The following PEAK1 variants were observed in gnomAD, a reference collection of about 807,000 sequenced individuals.
PEAK1 encodes the protein pseudopodium enriched atypical kinase 1.
Under a neutral mutation model 124.7 loss-of-function variants are expected in PEAK1, and 54 were observed. The ratio of observed to expected loss-of-function variants is 0.43; its 90% CI spans 0.35 to 0.54. The LOEUF (loss-of-function observed/expected upper bound fraction) is 0.54. Among genes scored for constraint, PEAK1 ranks in the 20% least tolerant of loss-of-function variants. The pLI is 0.01. For synonymous variants in PEAK1, 719 were observed against 760.0 expected, an observed-to-expected ratio of 0.95 and a Z score of 0.89; for missense variants, 2,046 against 2,134.5, an observed-to-expected ratio of 0.96 and a Z score of 0.82.
chr15:77,260,903 G>A (rs1017727569), intron 5 of PEAK1, among the ~76,000 whole-genome samples: 1 of 152,132 alleles, frequency 6.6e-6, no homozygotes, highest in East Asian at 1.9e-4. Context: ...TCACATGGCC[G>A]GGTACTCCTC....
chr15:77,279,735 T>G (rs1283921444), intron 5 of PEAK1, among the ~76,000 whole-genome samples: 3 of 152,176 alleles, frequency 2.0e-5, no homozygotes, highest in Non-Finnish European at 2.9e-5. Context: ...AGAAGGGAGT[T>G]TGAAAGTTGT....
At chr15:77,394,598 C>T (rs1318915491) in intron 1 of PEAK1, among the ~76,000 whole-genome samples, 2 of 152,196 alleles carry the variant, frequency 1.3e-5, no homozygotes, top group Non-Finnish European at 2.9e-5. Context: ...GCAGACATGG[C>T]TGCAGTAACT....
intron 8 of PEAK1, among the ~76,000 whole-genome samples, chr15:77,142,064 G>T (rs2053831096): frequency 6.6e-6 from 1 of 151,844 alleles, no homozygotes; most frequent in African/African-American, 2.4e-5. Context: ...TCACAGAATG[G>T]GAGAAAATAT....
intron 6 of PEAK1, chr15:77,205,101 T>C (rs1377464302): frequency 1.6e-5 from 4 of 251,742 alleles, no homozygotes; most frequent in Non-Finnish European, 3.1e-5. Context: ...GTCTGATTAA[T>C]ATCTTATAAC....
chr15:77,133,298 A>G lies in PEAK1; in HGVS notation c.3784T>C (p.Cys1262Arg). 1 of 1,614,224 alleles carries G rather than the reference A, an allele frequency of 6.2e-7. No homozygotes were observed. The highest frequency in any genetic ancestry group is 8.5e-7 in the Non-Finnish European group (1 of 1,180,016). The change falls in exon 9 of 10, where the codon TGC (cysteine) becomes CGC (arginine). Residue 1262 changes from cysteine (C) to arginine (R), a missense_variant. By Grantham distance (180) the Cys-to-Arg change is radical. Coordinates refer to ENST00000682557, the MANE Select transcript of PEAK1 (RefSeq NM_001385026.1). This position sits in a 1 kb window ranked among gnomAD's most constrained non-coding sequence, Gnocchi z 4.2. ...TTCTGGATGCCTCGGCCCTGTCTGCAAGAGGGCCCACGCCGGCTGGAGAGG... is the reference window on the plus strand; with the variant it reads ...TTCTGGATGCCTCGGCCCTGTCTGCGAGAGGGCCCACGCCGGCTGGAGAGG... ...ESLSSRRGPS[C>R]RQGRGIQKPQ...
chr15:77,310,368 G>C (rs1400140124), intron 2 of PEAK1, among the ~76,000 whole-genome samples: 1 of 152,124 alleles, frequency 6.6e-6, no homozygotes, highest in Non-Finnish European at 1.5e-5. Context: ...AAATTACTTA[G>C]AACTTTTCTG....
rs1285872448 is a variant in PEAK1 at position 77,179,716 on chromosome 15, G to A, written c.2211C>T (p.Ala737=). The change falls in exon 7 of 10, where the codon GCC becomes GCT. Residue 737 remains alanine, a synonymous_variant. Coordinates refer to ENST00000682557, the MANE Select transcript of PEAK1 (RefSeq NM_001385026.1). ...CTATTTTGGCCACAGGCTCTTGAGT[G>A]GCTCTCTGGATCTTTGCTGGGGAGC... The part of the protein sequence containing the change: ...SHSSPAKIQR[A]TQEPVAKIEG... 1 of 1,613,926 alleles carries A rather than the reference G, an allele frequency of 6.2e-7. No homozygotes were observed. The highest frequency in any genetic ancestry group is 1.1e-5 in the South Asian group (1 of 91,070).
At chr15:77,418,235 T>C (rs2073050379) in intron 1 of PEAK1, 5 of 985,372 alleles carry the variant, frequency 5.1e-6, no homozygotes, top group Non-Finnish European at 6.0e-6. Flanking sequence ...CTTCCAACCC[T>C]AGAACACAGC....
chr15:77,389,804 T>C (rs1390907769), intron 1 of PEAK1, among the ~76,000 whole-genome samples: 1 of 152,086 alleles, frequency 6.6e-6, no homozygotes, highest in Non-Finnish European at 1.5e-5. Flanking sequence ...CTGTATACCC[T>C]AGAAGGTAGT....
intron 2 of PEAK1, chr15:77,349,269 G>C (rs1458041829): frequency 8.0e-6 from 5 of 621,570 alleles, no homozygotes; most frequent in Middle Eastern, 1.6e-3. Flanking sequence ...TCGATCTTCT[G>C]ACCTTACGAT....
At chr15:77,409,401 G>C (rs2072211373) in intron 1 of PEAK1, among the ~76,000 whole-genome samples, 1 of 152,048 alleles carries the variant, frequency 6.6e-6, no homozygotes, top group African/African-American at 2.4e-5. Flanking sequence ...GAAAACTAAG[G>C]CACCAGGAAA....
chr15:77,151,743 C>T (rs1596365309), intron 8 of PEAK1, among the ~76,000 whole-genome samples: 1 of 152,136 alleles, frequency 6.6e-6, no homozygotes, highest in African/African-American at 2.4e-5. Flanking sequence ...AGCCAGTTTT[C>T]CCAGCACCAT....
Position 77,115,206 on chromosome 15 carries a change from T to G in PEAK1, c.4191A>C (p.Glu1397Asp), listed in dbSNP as rs763873484. The change falls in exon 10 of 10, where the codon GAA becomes GAC. Residue 1397 changes from glutamate (E) to aspartate (D), a missense_variant. Glu to Asp is a conservative substitution (Grantham distance 45, BLOSUM62 2). Transcript: ENST00000682557. ...IQQDCGHFLAEVPNRLLPWED... is the reference protein window; with the variant it reads ...IQQDCGHFLADVPNRLLPWED... ...CCCAGGGAAGCAGACGGTTAGGGAC[T>G]TCAGCAAGGAAATGACCACAGTCCT... The G allele has an allele frequency of 1.2e-6, 2 of 1,614,190 alleles. No individual in the cohort carries two copies. The highest frequency in any genetic ancestry group is 1.7e-6 in the Non-Finnish European group (2 of 1,180,032).
chr15:77,371,658 C>T (rs927733766), intron 1 of PEAK1, among the ~76,000 whole-genome samples: 5 of 152,120 alleles, frequency 3.3e-5, no homozygotes, highest in Admixed American at 6.5e-5. Context: ...GAGGCCAAGG[C>T]GGGAGGATCA....
At chr15:77,349,489 C>T (rs2067079324) in intron 2 of PEAK1, 1 of 985,032 alleles carries the variant, frequency 1.0e-6, no homozygotes, top group African/African-American at 1.7e-5. Context: ...TTTCCCAAAG[C>T]TCAATTGATA....
intron 1 of PEAK1, among the ~76,000 whole-genome samples, chr15:77,392,542 A>G (rs868050666): frequency 3.9e-5 from 6 of 152,340 alleles, no homozygotes; most frequent in Middle Eastern, 6.8e-3. Context: ...TGCATCATAT[A>G]TATGGCATTT....
chr15:77,109,023 A>C lies in PEAK1; in HGVS notation c.*5133T>G, dbSNP rs1322930531. 1 of 152,202 alleles carries C rather than the reference A, an allele frequency of 6.6e-6. No homozygotes were observed. The highest frequency in any genetic ancestry group is 1.9e-4 in the East Asian group (1 of 5,198). The allele number at this position is 152,202 out of a possible 1,614,324, so 9.4% of individuals were successfully genotyped here. On this transcript the variant is annotated 3_prime_UTR_variant, in exon 10 of 10. Coordinates refer to ENST00000682557, the MANE Select transcript of PEAK1 (RefSeq NM_001385026.1). The stretch of plus-strand genomic sequence containing the variant: ...AGGGGGTGTTTAACGGCTGTATAGC[A>C]CCTTGTACCTTCTGGGCACTTACAG...
chr15:77,243,629 A>G (rs2060451355), intron 6 of PEAK1, among the ~76,000 whole-genome samples: 1 of 152,228 alleles, frequency 6.6e-6, no homozygotes, highest in African/African-American at 2.4e-5. Flanking sequence ...TGTGACTACA[A>G]GCTACAATGA....
intron 7 of PEAK1, chr15:77,178,486 C>T (rs2057023175): frequency 2.6e-6 from 1 of 384,290 alleles, no homozygotes; most frequent in South Asian, 8.2e-5. Flanking sequence ...CATTCCAAAA[C>T]AACACATTAT....
Sources: gnomAD v4.1 joint callset for allele counts (sites outside exome capture counted in the v4.1 genomes callset) on GRCh38, gnomAD v4.1.1 for gene constraint, Gnocchi (gnomAD v3.1) non-coding constraint, MANE v1.5 for transcripts, NCBI Gene and HGNC (gene_info 2026-07-23, HGNC 2026-07-21) for gene names.